The following GIGYF1 variants were observed in gnomAD, a reference collection of about 807,000 sequenced individuals.
GIGYF1 encodes GRB10-interacting GYF protein 1.
A neutral mutation model predicts 147.1 loss-of-function variants in GIGYF1; 84 were observed. The ratio of observed to expected loss-of-function variants is 0.57; its 90% CI spans 0.48 to 0.68. The LOEUF is 0.68. GIGYF1 is among the 30% of genes least tolerant of loss of function. GIGYF1 has a pLI of 0.00. For synonymous variants in GIGYF1, 752 were observed against 589.5 expected (o/e 1.28, Z -3.99); for missense variants, 1,485 against 1,393.7 (o/e 1.07, Z -1.04).
rs934769583 is a variant in GIGYF1 at position 100,685,369 on chromosome 7, T to C, written c.1167A>G (p.Ala389=). 1.1e-5 allele frequency: 18 copies of C among 1,598,890 alleles called. No homozygotes were observed. The highest frequency in any genetic ancestry group is 1.4e-5 in the Non-Finnish European group (16 of 1,176,040). Residue 389 remains alanine, a synonymous_variant, in exon 13 of 27, where the codon GCA becomes GCG. Coordinates refer to ENST00000678049, the MANE Select transcript of GIGYF1 (RefSeq NM_001375765.1). ...WGTNGDGDET[A]EKEPPAAEDD... is the part of the protein sequence containing the mutation. Reference sequence around the variant, plus strand: ...CTTCGGCCGCTGGGGGCTCTTTCTCTGCAGTTTCGTCCCCATCCCCGTTTG... The same window carrying C: ...CTTCGGCCGCTGGGGGCTCTTTCTCCGCAGTTTCGTCCCCATCCCCGTTTG...
chr7:100,686,999 C>G lies in GIGYF1; in HGVS notation c.523+7G>C, dbSNP rs756761929. Reference sequence around the variant, plus strand: ...CGCCCCGGCCGCCGCCCTCAGCAGCCTCGTACCTCCATCCCGCCTTGCTGA... The same window carrying G: ...CGCCCCGGCCGCCGCCCTCAGCAGCGTCGTACCTCCATCCCGCCTTGCTGA... On this transcript the variant is annotated splice_region_variant and intron_variant, in intron 9 of 26. Coordinates refer to ENST00000678049, the MANE Select transcript of GIGYF1 (RefSeq NM_001375765.1). The G allele has an allele frequency of 3.7e-6, 6 of 1,614,002 alleles. No individual in the cohort carries two copies. The highest frequency in any genetic ancestry group is 5.1e-6 in the Non-Finnish European group (6 of 1,180,012).
rs1805657841 is a variant in GIGYF1 at position 100,689,468 on chromosome 7, G to C, written c.-1011C>G. The C allele has an allele frequency of 6.6e-6, 1 of 152,586 alleles. No homozygotes were observed. The highest frequency in any genetic ancestry group is 2.1e-4 in the South Asian group (1 of 4,848). The allele number at this position is 152,586 out of a possible 1,614,324, so 9.5% of individuals were successfully genotyped here. A position where few individuals can be genotyped will look rare whatever the true frequency, so the allele number is the denominator to read the frequency against. On this transcript the variant is annotated 5_prime_UTR_variant, in exon 2 of 27. Coordinates refer to ENST00000678049, the MANE Select transcript of GIGYF1 (RefSeq NM_001375765.1). ...CAGAGGACTCAAGCGGGTGGGCGGG[G>C]TCCAGGTGCTGCGGTGTTGTCACTG...
intron 1 of GIGYF1, among the ~76,000 whole-genome samples, chr7:100,692,199 G>A (rs1056697554): frequency 3.9e-5 from 6 of 152,242 alleles, no homozygotes; most frequent in Admixed American, 2.6e-4. Flanking sequence ...TTAAAAAAGA[G>A]ATGCAAACCC....
intron 1 of GIGYF1, among the ~76,000 whole-genome samples, chr7:100,693,518 G>A (rs1374523939): frequency 6.6e-6 from 1 of 152,190 alleles, no homozygotes; most frequent in Non-Finnish European, 1.5e-5. Context: ...GGACCCAGGC[G>A]AGGTGCCTGG....
At position 100,681,206 on chromosome 7, in the gene GIGYF1, C is replaced by T. The variant is rs1804717036; in HGVS notation, c.*513G>A. On this transcript the variant is annotated 3_prime_UTR_variant, in exon 27 of 27. Coordinates refer to ENST00000678049, the MANE Select transcript of GIGYF1 (RefSeq NM_001375765.1). ...CTGCTGGCCCCCAGCTTCCAGTTAC[C>T]CCATGGCCCGCCTTCTGGGGGGTAA... 2.6e-5 allele frequency: 4 copies of T among 152,728 alleles called. No individual in the cohort carries two copies. The highest frequency in any genetic ancestry group is 2.6e-4 in the Admixed American group (4 of 15,284). 9.5% of individuals were successfully genotyped at this position (152,728 alleles called of 1,614,324 possible).
chr7:100,685,010 A>T (rs979847738), intron 14 of GIGYF1, 39 bp downstream of exon 14: 4 of 1,555,148 alleles, frequency 2.6e-6, no homozygotes, highest in Non-Finnish European at 1.7e-6. Flanking sequence ...TCAGGTCAGA[A>T]GTGGGAAGGG....
At position 100,688,002 on chromosome 7, in the gene GIGYF1, A is replaced by C. The variant is rs772487495; in HGVS notation, c.144T>G (p.Ala48=). ...DYRYGREEML[A]LYVKENKVPE... ...CCACCTTGTTCTCCTTGACGTAGAGAGCCAGCATTTCCTCTCGCCCATAAC... is the reference window on the plus strand; with the variant it reads ...CCACCTTGTTCTCCTTGACGTAGAGCGCCAGCATTTCCTCTCGCCCATAAC... Residue 48 remains alanine (A), a synonymous_variant, in exon 5 of 27, where the codon GCT becomes GCG. Transcript: ENST00000678049. The C allele has an allele frequency of 2.5e-6, 4 of 1,612,826 alleles. No individual in the cohort carries two copies. The highest frequency in any genetic ancestry group is 3.4e-6 in the Non-Finnish European group (4 of 1,179,324).
rs1350530478 is a variant in GIGYF1, at chr7:100,683,167, C to T, written c.2257G>A (p.Ala753Thr). 22 of 1,602,798 alleles carry T rather than the reference C, an allele frequency of 1.4e-5. No homozygotes were observed. Among genetic ancestry groups the T allele is most frequent in the African/African-American group, 2.7e-5 (2 of 74,822 alleles). ...QQQQAVPVPP[A>T]PSSPPPLWAG... ...CAGAGTGGGGGCGGGGAGCTGGGTG[C>T]GGGGGGCACAGGGACCGCCTGCTGC... The change falls in exon 22 of 27, where the codon GCA becomes ACA. Residue 753 changes from alanine to threonine, a missense_variant. Physicochemically the swap from Ala to Thr is moderately conservative, Grantham distance 58. Transcript: ENST00000678049.
rs1804659888 is a variant in GIGYF1 at position 100,680,679 on chromosome 7, AC to A, written c.*1039del. On this transcript the variant is annotated 3_prime_UTR_variant, in exon 27 of 27. Coordinates refer to ENST00000678049, the MANE Select transcript of GIGYF1 (RefSeq NM_001375765.1). ...CTACTGCAACCCTAAGCCCAAAGCC[AC>A]CCACTCCTTGCCTTTGAGGCCCCTC... The A allele has an allele frequency of 6.6e-6, 1 of 152,588 alleles. No individual in the cohort carries two copies. The highest frequency in any genetic ancestry group is 1.5e-5 in the Non-Finnish European group (1 of 68,170). 9.5% of individuals were successfully genotyped at this position (152,588 alleles called of 1,614,324 possible). A position where few individuals can be genotyped will look rare whatever the true frequency, so the allele number is the denominator to read the frequency against.
In GIGYF1 at chr7:100,684,210, T is replaced by A. The variant is rs756915908; in HGVS notation, c.1730+27A>T. Reference sequence around the variant, plus strand: ...GCCACAGAGCCAGCGCCGGGCCTTCTCCCAGCCCACCCCAGGCCCCCCATA... The same window carrying A: ...GCCACAGAGCCAGCGCCGGGCCTTCACCCAGCCCACCCCAGGCCCCCCATA... On this transcript the variant is annotated intron_variant, in intron 17 of 26. Coordinates refer to ENST00000678049, the MANE Select transcript of GIGYF1 (RefSeq NM_001375765.1). The A allele has an allele frequency of 3.1e-6, 5 of 1,609,748 alleles. No homozygotes were observed. In the African/African-American group the frequency reaches 4.0e-5, roughly 13 times the overall value.
rs1159440805 is a variant in GIGYF1, at chr7:100,681,562, G to A, written c.*157C>T. ...CCAGTCTGTAAAGTGCCTCGTGGTGGGTGAGTTAAGGTGCATCGTGTGTTT... is the reference window on the plus strand; with the variant it reads ...CCAGTCTGTAAAGTGCCTCGTGGTGAGTGAGTTAAGGTGCATCGTGTGTTT... On this transcript the variant is annotated 3_prime_UTR_variant, in exon 27 of 27. Transcript: ENST00000678049. 2.2e-5 allele frequency: 11 copies of A among 489,508 alleles called. No individual in the cohort carries two copies. The South Asian group carries it at 5.9e-4, about 26-fold the overall frequency. The allele number at this position is 489,508 out of a possible 1,614,324, so 30.3% of individuals were successfully genotyped here. A position where few individuals can be genotyped will look rare whatever the true frequency, so the allele number is the denominator to read the frequency against.
At position 100,685,166 on chromosome 7, in the gene GIGYF1, A is replaced by T. The variant is rs1276848851; in HGVS notation, c.1193-20T>A. On this transcript the variant is annotated intron_variant, in intron 13 of 26. Coordinates refer to ENST00000678049, the MANE Select transcript of GIGYF1 (RefSeq NM_001375765.1). ...TATCATCTGGAAGGCATGAGATAGG[A>T]GGTGGAAAGAAGGGCGGGGAGGAGA... 4 of 1,562,888 alleles carry T rather than the reference A, an allele frequency of 2.6e-6. No homozygotes were observed. The highest frequency in any genetic ancestry group is 1.4e-5 in the African/African-American group (1 of 73,842).
At chr7:100,689,681 C>G (rs1324970749) in intron 1 of GIGYF1, 126 bp from the exon 2 acceptor site, 1 of 152,342 alleles carries the variant, frequency 6.6e-6, no homozygotes, top group Non-Finnish European at 1.5e-5. Context: ...GGGGGAAACA[C>G]CGGGCTCAGA....
intron 1 of GIGYF1, among the ~76,000 whole-genome samples, chr7:100,692,246 C>T (rs188836575): frequency 6.6e-6 from 1 of 152,360 alleles, no homozygotes; most frequent in African/African-American, 2.4e-5. Flanking sequence ...CCAGCTCTCT[C>T]CTCTCTGAGC....
chr7:100,681,110 G>C lies in GIGYF1; in HGVS notation c.*609C>G, dbSNP rs1203881084. On this transcript the variant is annotated 3_prime_UTR_variant, in exon 27 of 27. Transcript: ENST00000678049. The stretch of plus-strand genomic sequence containing the variant: ...CTTTGGCCCCACCCCGGACACCTCA[G>C]CCAGCCTCAGTGACAGGAGCTGCTC... 6.5e-6 allele frequency: 1 copy of C among 152,706 alleles called. No homozygotes were observed. Among genetic ancestry groups the C allele is most frequent in the Non-Finnish European group, 1.5e-5 (1 of 68,082 alleles). The allele number at this position is 152,706 out of a possible 1,614,324, so 9.5% of individuals were successfully genotyped here. A position where few individuals can be genotyped will look rare whatever the true frequency, so the allele number is the denominator to read the frequency against.
At chr7:100,686,124 G>A (rs1339990285) in intron 11 of GIGYF1, 45 bp from the exon 12 acceptor site, 1 of 1,603,368 alleles carries the variant, frequency 6.2e-7, no homozygotes, top group South Asian at 1.1e-5. Context: ...TGGGGTGGGT[G>A]GGGAGGAAGA....
Position 100,683,231 on chromosome 7 carries a change from C to G in GIGYF1, c.2194-1G>C. 2 of 1,612,462 alleles carry G rather than the reference C, an allele frequency of 1.2e-6. No homozygotes were observed. The highest frequency in any genetic ancestry group is 1.7e-6 in the Non-Finnish European group (2 of 1,179,982). The stretch of plus-strand genomic sequence containing the variant: ...TCAGCAATAGCTCCTGCTGCCGCAC[C>G]TAAGAGGGGGACATGGTGAGGGGAC... On this transcript the variant is annotated splice_acceptor_variant, in intron 21 of 26. Transcript: ENST00000678049. LOFTEE classifies it high-confidence loss of function.
rs1443615144 is a variant in GIGYF1 at position 100,687,587 on chromosome 7, C to T, written c.291G>A (p.Val97=). Residue 97 remains valine (V), a synonymous_variant, in exon 7 of 27, where the codon GTG becomes GTA. Coordinates refer to ENST00000678049, the MANE Select transcript of GIGYF1 (RefSeq NM_001375765.1). ...QRNFSLSVNS[V]AVLRLMGKGA... is the part of the protein sequence containing the mutation. ...CTTTCCCCATCAGCCTCAGCACAGC[C>T]ACGCTGTTCACTGACAGGGAGAAGT... 4 of 1,612,384 alleles carry T rather than the reference C, an allele frequency of 2.5e-6. No individual in the cohort carries two copies. The highest frequency in any genetic ancestry group is 3.4e-6 in the Non-Finnish European group (4 of 1,179,804).
chr7:100,682,062 G>T lies in GIGYF1; in HGVS notation c.2925+10C>A. On this transcript the variant is annotated intron_variant, in intron 25 of 26. Transcript: ENST00000678049. ...AAGCCCACCCCAGCTGCTGGTGCCG[G>T]CTGCCTCACCTGCTGCTGCTGCCGC... 1 of 1,612,044 alleles carries T rather than the reference G, an allele frequency of 6.2e-7. No individual in the cohort carries two copies.
Sources: gnomAD v4.1 joint callset for allele counts (sites outside exome capture counted in the v4.1 genomes callset) on GRCh38, gnomAD v4.1.1 for gene constraint, MANE v1.5 for transcripts, NCBI Gene and HGNC (gene_info 2026-07-23, HGNC 2026-07-21) for gene names.